Variants in GADL1 observed in about 807,000 individuals in gnomAD.
The protein encoded by GADL1 is GAD like acidic amino acid decarboxylase 1.
A neutral mutation model predicts 69.5 loss-of-function variants in GADL1; 71 were observed. That is an observed-to-expected ratio of 1.02 (90% CI 0.84 to 1.25). The LOEUF (loss-of-function observed/expected upper bound fraction) is 1.25. GADL1 is among the 50% of genes most tolerant of loss of function. GADL1 has a pLI of 0.00. For missense variants in GADL1, 737 were observed against 631.8 expected (o/e 1.17, Z -1.79); for synonymous variants, 254 against 214.4 (o/e 1.18, Z -1.62).
chr3:30,790,856 C>G (rs149664790), intron 12 of GADL1, among the ~76,000 whole-genome samples: 3 of 151,906 alleles, frequency 2.0e-5, no homozygotes, highest in Admixed American at 6.6e-5. Flanking sequence ...AATTAAAATG[C>G]GGACTATAGC....
intron 12 of GADL1, chr3:30,800,093 G>A (rs924291608): frequency 5.2e-5 from 8 of 152,924 alleles, no homozygotes; most frequent in African/African-American, 1.9e-4. Flanking sequence ...CACATTTTTG[G>A]GTATCTTTTC....
chr3:30,889,067 G>C (rs9817413), intron 1 of GADL1, among the ~76,000 whole-genome samples: 33,409 of 111,562 alleles, frequency 0.3, 5,113 homozygotes, highest in East Asian at 0.55. Flanking sequence ...AAGAAATACC[G>C]AAGACTCGGT....
At chr3:30,734,329 T>C (rs531252543) in intron 14 of GADL1, among the ~76,000 whole-genome samples, 3 of 152,336 alleles carry the variant, frequency 2.0e-5, no homozygotes, top group Non-Finnish European at 4.4e-5. Context: ...AAATACTTCT[T>C]AAAACCTAAT....
chr3:30,812,619 A>C (rs1697378867), intron 11 of GADL1, among the ~76,000 whole-genome samples: 1 of 152,124 alleles, frequency 6.6e-6, no homozygotes, highest in African/African-American at 2.4e-5. Flanking sequence ...ATTCAAAATG[A>C]GATTTGGGTG....
chr3:30,860,064 T>C (rs1441991422), intron 2 of GADL1, among the ~76,000 whole-genome samples: 1 of 151,872 alleles, frequency 6.6e-6, no homozygotes, highest in Non-Finnish European at 1.5e-5. Context: ...CTTCCTGCTT[T>C]CTTCCTCCAG....
intron 14 of GADL1, among the ~76,000 whole-genome samples, chr3:30,760,028 A>AGGTAAAAAG (rs1230592391): frequency 1.3e-5 from 2 of 152,210 alleles, no homozygotes; most frequent in Non-Finnish European, 2.9e-5. Context: ...TTTTACCTGC[A>AGGTAAAAAG]GATTCATGAG....
At chr3:30,884,445 C>T (rs971159844) in intron 1 of GADL1, among the ~76,000 whole-genome samples, 10 of 152,036 alleles carry the variant, frequency 6.6e-5, no homozygotes, top group Admixed American at 5.2e-4. Context: ...GAACCAAATT[C>T]AGTTCCCTAA....
At chr3:30,779,675 T>G (rs746219846) in intron 13 of GADL1, among the ~76,000 whole-genome samples, 12 of 152,216 alleles carry the variant, frequency 7.9e-5, no homozygotes, top group Non-Finnish European at 1.5e-4. Context: ...TGAACACATT[T>G]TTCAAATGAA....
intron 14 of GADL1, among the ~76,000 whole-genome samples, chr3:30,741,152 T>G (rs1259427809): frequency 7.2e-6 from 1 of 138,784 alleles, no homozygotes; most frequent in Non-Finnish European, 1.5e-5. Context: ...GTGAGATAGG[T>G]GGTTTGTTTG....
chr3:30,732,869 G>C (rs936800922), intron 14 of GADL1, among the ~76,000 whole-genome samples: 4 of 152,110 alleles, frequency 2.6e-5, no homozygotes, highest in Admixed American at 2.6e-4. Context: ...ACCAGCCTGA[G>C]CAAAATGGTG....
At chr3:30,779,502 A>G (rs1030942998) in intron 13 of GADL1, among the ~76,000 whole-genome samples, 1 of 151,836 alleles carries the variant, frequency 6.6e-6, no homozygotes, top group Non-Finnish European at 1.5e-5. Context: ...ACAAACATCT[A>G]TTGAGACTAC....
intron 12 of GADL1, among the ~76,000 whole-genome samples, chr3:30,793,863 A>G (rs1220873822): frequency 1.3e-5 from 2 of 151,980 alleles, no homozygotes; most frequent in African/African-American, 2.4e-5. Context: ...TCATCTTCTC[A>G]TTTGAAATCT....
At chr3:30,755,371 T>G (rs1695943593) in intron 14 of GADL1, among the ~76,000 whole-genome samples, 1 of 103,416 alleles carries the variant, frequency 9.7e-6, no homozygotes, top group East Asian at 3.3e-4. Flanking sequence ...ATACTATTAC[T>G]AAAAAACTTG....
At chr3:30,758,822 C>T (rs548499288) in intron 14 of GADL1, among the ~76,000 whole-genome samples, 2 of 152,318 alleles carry the variant, frequency 1.3e-5, no homozygotes, top group East Asian at 3.9e-4. Flanking sequence ...CATTAGGCAG[C>T]ACTTTGTAAA....
chr3:30,849,145 G>GC (rs1698105412), intron 6 of GADL1, among the ~76,000 whole-genome samples: 1 of 152,092 alleles, frequency 6.6e-6, no homozygotes. Flanking sequence ...GACATAAGGA[G>GC]CAGAGAGGCA....
intron 14 of GADL1, among the ~76,000 whole-genome samples, chr3:30,736,408 A>G (rs1426919849): frequency 6.6e-6 from 1 of 152,130 alleles, no homozygotes; most frequent in Admixed American, 6.6e-5. Flanking sequence ...CCTTATGTGG[A>G]CTAAATGAAA....
chr3:30,833,976 T>TTAG (rs1468806835), intron 10 of GADL1, 42 bp from the exon 11 acceptor site: 1 of 1,397,820 alleles, frequency 7.2e-7, no homozygotes, highest in African/African-American at 1.4e-5. Flanking sequence ...GAGGACTCAA[T>TTAG]TAGTTTCTAC....
chr3:30,881,242 T>C (rs1019259398), intron 1 of GADL1, among the ~76,000 whole-genome samples: 3 of 152,002 alleles, frequency 2.0e-5, no homozygotes, highest in African/African-American at 7.2e-5. Flanking sequence ...ACACTTTGTA[T>C]GCAAGCTTCC....
intron 14 of GADL1, among the ~76,000 whole-genome samples, chr3:30,771,040 C>A (rs998865907): frequency 2.6e-5 from 4 of 152,214 alleles, no homozygotes; most frequent in African/African-American, 9.6e-5. Flanking sequence ...TCATGAACTT[C>A]CCGTTAAACA....
Sources: allele counts gnomAD v4.1 joint callset (sites outside exome capture counted in the v4.1 genomes callset), GRCh38; gene constraint gnomAD v4.1.1; transcripts MANE v1.5; gene names NCBI Gene and HGNC (gene_info 2026-07-23, HGNC 2026-07-21).